Variants in ARMC9 observed in about 807,000 individuals in gnomAD.
ARMC9 encodes the protein lisH domain-containing protein ARMC9.
In ARMC9, 94 loss-of-function variants were observed where a neutral mutation model predicts 107.0. That is an observed-to-expected ratio of 0.88 (90% confidence interval 0.74 to 1.04). The LOEUF is 1.04. Among genes scored for constraint, ARMC9 ranks in the 50% least tolerant of loss-of-function variants. The pLI is 0.00. For missense variants in ARMC9, 942 were observed against 1,030.1 expected (o/e 0.91, Z 1.17); for synonymous variants, 380 against 396.9 (o/e 0.96, Z 0.51).
intron 20 of ARMC9, among the ~76,000 whole-genome samples, chr2:231,335,149 GA>G (rs1390203356): frequency 6.6e-6 from 1 of 152,236 alleles, no homozygotes; most frequent in African/African-American, 2.4e-5. Flanking sequence ...GAAGTTTTCA[GA>G]AGGCACCAAA....
At chr2:231,334,814 C>G (rs1304629529) in intron 20 of ARMC9, among the ~76,000 whole-genome samples, 1 of 152,066 alleles carries the variant, frequency 6.6e-6, no homozygotes, top group Non-Finnish European at 1.5e-5. Flanking sequence ...GATGGGATTC[C>G]CACCTTGTCA....
intron 16 of ARMC9, among the ~76,000 whole-genome samples, chr2:231,279,114 A>G (rs917268258): frequency 1.3e-5 from 2 of 152,192 alleles, no homozygotes; most frequent in East Asian, 3.8e-4. Context: ...GTAGACACTC[A>G]TCACTACTGG....
Position 231,222,839 on chromosome 2 carries a change from T to TA in ARMC9, c.597+20dup. On this transcript the variant is annotated intron_variant, in intron 6 of 24. Transcript: ENST00000611582. ...AATATATGTATCCTTTTGAAGCAAA[T>TA]AGAGACCACCTATGGTTTTAGAGCA... The TA allele has an allele frequency of 6.7e-7, 1 of 1,488,064 alleles. No homozygotes were observed. The highest frequency in any genetic ancestry group is 9.3e-7 in the Non-Finnish European group (1 of 1,076,960). 92.2% of individuals were successfully genotyped at this position (1,488,064 alleles called of 1,614,324 possible). A position where few individuals can be genotyped will look rare whatever the true frequency, so the allele number is the denominator to read the frequency against.
chr2:231,263,698 C>G (rs2038596153), intron 12 of ARMC9, among the ~76,000 whole-genome samples: 1 of 152,164 alleles, frequency 6.6e-6, no homozygotes, highest in Admixed American at 6.5e-5. Flanking sequence ...TTTTGAGTTG[C>G]CAGTTTACTC....
intron 19 of ARMC9, among the ~76,000 whole-genome samples, chr2:231,311,463 C>T (rs538422393): frequency 2.0e-5 from 3 of 152,176 alleles, no homozygotes; most frequent in African/African-American, 4.8e-5. Context: ...GCATGTGCCC[C>T]GTATAGAACA....
At chr2:231,289,601 T>C (rs1383525205) in intron 17 of ARMC9, among the ~76,000 whole-genome samples, 1 of 152,182 alleles carries the variant, frequency 6.6e-6, no homozygotes, top group Admixed American at 6.5e-5. Flanking sequence ...GAGATAGATA[T>C]AAAATTCAGC....
chr2:231,256,031 C>T, intron 9 of ARMC9: 1 of 1,434,854 alleles, frequency 7.0e-7, no homozygotes, highest in Non-Finnish European at 9.3e-7. Context: ...CAGAGCAAGA[C>T]TCAGTCTCAA....
At chr2:231,365,706 T>C (rs778861713) in intron 23 of ARMC9, among the ~76,000 whole-genome samples, 1 of 148,758 alleles carries the variant, frequency 6.7e-6, no homozygotes, top group African/African-American at 2.5e-5. Context: ...ACACAGCAGA[T>C]AGGACCCAGC....
chr2:231,283,422 T>C (rs985266885), intron 17 of ARMC9, among the ~76,000 whole-genome samples: 2 of 152,162 alleles, frequency 1.3e-5, no homozygotes, highest in African/African-American at 4.8e-5. Context: ...GCTTAGTGGC[T>C]TAAACAAGTT....
chr2:231,328,830 T>TTTTTTTTTTTTTTTTTTTTTTTTTTTC (rs1208039563), intron 19 of ARMC9, among the ~76,000 whole-genome samples: 1 of 144,764 alleles, frequency 6.9e-6, no homozygotes, highest in African/African-American at 2.5e-5. Context: ...TTTTTTTTTT[T>TTTTTTTTTTTTTTTTTTTTTTTTTTTC]TTGAGTCGGA....
chr2:231,320,289 T>C (rs1296237707), intron 19 of ARMC9, among the ~76,000 whole-genome samples: 1 of 152,136 alleles, frequency 6.6e-6, no homozygotes, highest in Non-Finnish European at 1.5e-5. Context: ...TGCAGGGGGA[T>C]GAGGGTCTCA....
intron 11 of ARMC9, among the ~76,000 whole-genome samples, chr2:231,261,211 A>T (rs999454313): frequency 6.6e-6 from 1 of 152,006 alleles, no homozygotes; most frequent in Admixed American, 6.6e-5. Context: ...ATATTTGCTC[A>T]CTCTGTTACA....
intron 7 of ARMC9, among the ~76,000 whole-genome samples, chr2:231,228,734 A>C (rs951945754): frequency 1.3e-5 from 2 of 152,116 alleles, no homozygotes; most frequent in African/African-American, 4.8e-5. Context: ...CATACCCTGC[A>C]TCTCTGGACC....
intron 4 of ARMC9, 81 bp downstream of exon 4, chr2:231,215,082 GATTTCA>G (rs1420916913): frequency 2.4e-5 from 36 of 1,483,162 alleles, no homozygotes; most frequent in Non-Finnish European, 3.2e-5. Context: ...CATGGGCATG[GATTTCA>G]TATGTGGCTG....
At chr2:231,234,170 TG>T (rs1484099532) in intron 7 of ARMC9, among the ~76,000 whole-genome samples, 1 of 152,154 alleles carries the variant, frequency 6.6e-6, no homozygotes, top group Admixed American at 6.5e-5. Context: ...ACTCTGGGTT[TG>T]GGGGCACTGT....
At chr2:231,361,871 G>A (rs1376118999) in intron 23 of ARMC9, among the ~76,000 whole-genome samples, 2 of 152,164 alleles carry the variant, frequency 1.3e-5, no homozygotes, top group African/African-American at 4.8e-5. Flanking sequence ...GAGAGAAAGA[G>A]GCAGGAAGAG....
At chr2:231,264,861 C>A (rs7575201) in intron 12 of ARMC9, among the ~76,000 whole-genome samples, 18,496 of 151,934 alleles carry the variant, frequency 0.12, 2,229 homozygotes, top group African/African-American at 0.3. Context: ...AATTGCAGCA[C>A]TTTGGTAGGC....
chr2:231,363,887 A>C (rs1427791025), intron 23 of ARMC9, among the ~76,000 whole-genome samples: 2 of 147,776 alleles, frequency 1.4e-5, no homozygotes, highest in Non-Finnish European at 3.0e-5. Context: ...CCGTCTCAAA[A>C]AAAAAAAAAA....
chr2:231,292,311 C>T (rs1486782173), intron 18 of ARMC9, among the ~76,000 whole-genome samples: 1 of 152,108 alleles, frequency 6.6e-6, no homozygotes, highest in Non-Finnish European at 1.5e-5. Flanking sequence ...CTTGTAAGTT[C>T]TCTTTATGTG....
Sources: allele counts gnomAD v4.1 joint callset (sites outside exome capture counted in the v4.1 genomes callset), GRCh38; gene constraint gnomAD v4.1.1; transcripts MANE v1.5; gene names NCBI Gene and HGNC (gene_info 2026-07-23, HGNC 2026-07-21).